Variants in MAPT observed in about 807,000 individuals in gnomAD.
The protein encoded by MAPT is microtubule-associated protein tau.
In MAPT, 34 loss-of-function variants were observed where a neutral mutation model predicts 67.9. That is an observed-to-expected ratio of 0.50 (90% CI 0.38 to 0.67). The LOEUF (loss-of-function observed/expected upper bound fraction) is 0.67. Among genes scored for constraint, MAPT ranks in the 30% least tolerant of loss-of-function variants. MAPT has a pLI of 0.00. For missense variants in MAPT, 881 were observed against 1,115.2 expected (o/e 0.79, Z 2.99); for synonymous variants, 456 against 464.5 (o/e 0.98, Z 0.23).
rs2075731414 is a variant in MAPT, at chr17:46,010,233, A to G, written c.1999-77A>G. 1 of 987,750 alleles carries G rather than the reference A, an allele frequency of 1.0e-6. No individual in the cohort carries two copies. The highest frequency in any genetic ancestry group is 1.6e-6 in the Non-Finnish European group (1 of 633,822). 61.2% of individuals were successfully genotyped at this position (987,750 alleles called of 1,614,324 possible). ...CCAGGGTGGCGCATGTCACTCATCG[A>G]AAGTGGAGGCGTCCTTGCGAGCAAG... On this transcript the variant is annotated intron_variant, in intron 9 of 12. Transcript: ENST00000262410. The surrounding 1 kb of genome is among the most constrained non-coding windows in gnomAD (Gnocchi z 4.7).
chr17:45,912,085 C>T (rs940235445), intron 1 of MAPT, among the ~76,000 whole-genome samples: 3 of 152,220 alleles, frequency 2.0e-5, no homozygotes, highest in Non-Finnish European at 4.4e-5. Flanking sequence ...CTCCCCACCA[C>T]ACAAGGAAGG....
chr17:45,998,270 G>A (rs1189878264), intron 9 of MAPT, among the ~76,000 whole-genome samples: 2 of 147,472 alleles, frequency 1.4e-5, no homozygotes, highest in African/African-American at 2.5e-5. Flanking sequence ...CCCTGCCCCC[G>A]AACAAGCTTG....
chr17:46,008,829 C>T (rs193053107), intron 9 of MAPT, among the ~76,000 whole-genome samples: 1 of 152,280 alleles, frequency 6.6e-6, no homozygotes, highest in Admixed American at 6.5e-5. Context: ...TTCAAGATTT[C>T]GGAAGCGGCC....
At chr17:45,920,856 C>T (rs2065642351) in intron 1 of MAPT, among the ~76,000 whole-genome samples, 2 of 152,170 alleles carry the variant, frequency 1.3e-5, no homozygotes, top group Non-Finnish European at 1.5e-5. Flanking sequence ...CACAAACTCA[C>T]GGCATGGAAC....
chr17:45,900,985 G>A (rs1369947750), intron 1 of MAPT, among the ~76,000 whole-genome samples: 2 of 152,080 alleles, frequency 1.3e-5, no homozygotes, highest in Non-Finnish European at 2.9e-5. Context: ...TGACCAGAGG[G>A]GTCTAAAGAT....
intron 1 of MAPT, among the ~76,000 whole-genome samples, chr17:45,939,602 A>C (rs1447894298): frequency 1.3e-5 from 2 of 152,244 alleles, no homozygotes; most frequent in Non-Finnish European, 2.9e-5. Context: ...AGGAAATTGC[A>C]GTGCTCCTGA....
At chr17:45,972,617 G>A (rs758569261) in intron 3 of MAPT, among the ~76,000 whole-genome samples, 6 of 152,216 alleles carry the variant, frequency 3.9e-5, no homozygotes, top group Non-Finnish European at 7.3e-5. Context: ...ATAATCAGAT[G>A]TCTAGACTTG....
At position 45,919,198 on chromosome 17, in the gene MAPT, G is replaced by A. The variant is rs187893667; in HGVS notation, c.-18+24512G>A. Among the ~76,000 whole-genome samples the A allele has an allele frequency of 9.3e-4, 142 of 152,232 alleles. 2 individuals carry two copies. The East Asian group carries it at 0.024, about 26-fold the overall frequency. On this transcript the variant is annotated intron_variant, in intron 1 of 12. Transcript: ENST00000262410. The stretch of plus-strand genomic sequence containing the variant: ...TGACCCTGCCTGTTGCTGCAGCACC[G>A]CTCAGCCCTGCCTGCTCCCTACCTG...
chr17:45,975,353 G>A (rs1392515110), intron 3 of MAPT: 1 of 152,168 alleles, frequency 6.6e-6, no homozygotes, highest in Non-Finnish European at 1.5e-5. Flanking sequence ...GCAGCTACTG[G>A]GGAAGCCTGC....
In MAPT at chr17:45,983,301, C is replaced by T. The variant is rs777651631; in HGVS notation, c.722C>T (p.Ala241Val). ...CTCCTGCCTGAGGGCCCCAGAGAGG[C>T]CACACGCCAACCTTCGGGGACAGGA... ...APLLPEGPREATRQPSGTGPE... is the reference protein window; with the variant it reads ...APLLPEGPREVTRQPSGTGPE... The change falls in exon 5 of 13, where the codon GCC (alanine) becomes GTC (valine). Residue 241 changes from alanine (A) to valine (V), a missense_variant. By Grantham distance (64) the Ala-to-Val change is moderately conservative. Around this residue, in one of 6 missense-constraint regions of MAPT, gnomAD observed 687 missense variants for 766.1 expected, o/e 0.90. Coordinates refer to ENST00000262410, the MANE Select transcript of MAPT (RefSeq NM_001377265.1). The T allele has an allele frequency of 5.6e-6, 9 of 1,599,874 alleles. No homozygotes were observed. The African/African-American group carries it at 1.2e-4, about 21-fold the overall frequency.
chr17:45,923,692 G>A (rs949796173), intron 1 of MAPT, among the ~76,000 whole-genome samples: 2 of 152,202 alleles, frequency 1.3e-5, no homozygotes, highest in Non-Finnish European at 2.9e-5. Flanking sequence ...ACAACCAGTG[G>A]GGAAACAGAA....
chr17:45,930,124 G>A (rs994387802), intron 1 of MAPT, among the ~76,000 whole-genome samples: 1 of 152,218 alleles, frequency 6.6e-6, no homozygotes, highest in Admixed American at 6.5e-5. Flanking sequence ...AGGAAGATGG[G>A]TGCGGTGGCT....
At chr17:45,926,695 G>C (rs2066326446) in intron 1 of MAPT, among the ~76,000 whole-genome samples, 2 of 152,190 alleles carry the variant, frequency 1.3e-5, no homozygotes, top group Admixed American at 6.5e-5. Flanking sequence ...ATCAGAGTGT[G>C]TGGTGTGATG....
intron 1 of MAPT, among the ~76,000 whole-genome samples, chr17:45,904,868 G>T (rs1285593321): frequency 6.6e-6 from 1 of 152,062 alleles, no homozygotes; most frequent in Admixed American, 6.6e-5. Context: ...CCAAGCAAAG[G>T]TTATATATGC....
Position 45,971,643 on chromosome 17 carries a change from C to A in MAPT, c.134-216C>A, listed in dbSNP as rs2071683836. 6.6e-6 allele frequency among the ~76,000 whole-genome samples: 1 copy of A among 152,214 alleles called. No individual in the cohort carries two copies. The highest frequency in any genetic ancestry group is 1.5e-5 in the Non-Finnish European group (1 of 68,042). On this transcript the variant is annotated intron_variant, in intron 2 of 12. Transcript: ENST00000262410. This position sits in a 1 kb window ranked among gnomAD's most constrained non-coding sequence, Gnocchi z 4.3. The stretch of plus-strand genomic sequence containing the variant: ...AGGAGCAAACGCACATCACCTGTGT[C>A]CTCATCTGATGGCCCTGGTGTGGGG...
chr17:45,990,797 TTG>T (rs2074000125), intron 7 of MAPT, among the ~76,000 whole-genome samples: 2 of 151,998 alleles, frequency 1.3e-5, no homozygotes, highest in Admixed American at 1.3e-4. Context: ...TTTTTTGAGT[TTG>T]TGTTATGTCT....
chr17:45,998,883 C>T lies in MAPT; in HGVS notation c.1998+2219C>T, dbSNP rs569030693. On this transcript the variant is annotated intron_variant, in intron 9 of 12. Transcript: ENST00000262410. ...TGCCTGGCCTTGGTGCTGCCCAAGA[C>T]CCCAGAGGGGCCCTCACTGGCCTTT... Among the ~76,000 whole-genome samples, 18 of 152,222 alleles carry T rather than the reference C, an allele frequency of 1.2e-4. No individual in the cohort carries two copies. In the South Asian group the frequency reaches 3.5e-3, roughly 30 times the overall value.
chr17:45,973,256 A>G (rs574764323), intron 3 of MAPT: 1 of 152,306 alleles, frequency 6.6e-6, no homozygotes, highest in South Asian at 2.1e-4. Flanking sequence ...CCTCATGAGA[A>G]TATCCAGATC....
chr17:45,949,297 C>T (rs922951264), intron 1 of MAPT, among the ~76,000 whole-genome samples: 22 of 152,338 alleles, frequency 1.4e-4, no homozygotes, highest in African/African-American at 5.1e-4. Flanking sequence ...GCTCCACGGC[C>T]GTCGGATTTA....
Sources: gnomAD v4.1 joint callset for allele counts (sites outside exome capture counted in the v4.1 genomes callset) on GRCh38, gnomAD v4.1.1 for gene constraint, gnomAD v4.1.1 regional missense constraint, Gnocchi (gnomAD v3.1) non-coding constraint, MANE v1.5 for transcripts, NCBI Gene and HGNC (gene_info 2026-07-23, HGNC 2026-07-21) for gene names.